Variants in BCL9L observed in about 807,000 individuals in gnomAD.
The protein encoded by BCL9L is BCL9 like.
A neutral mutation model predicts 99.4 loss-of-function variants in BCL9L; 19 were observed. The observed-to-expected ratio is 0.19, with a 90% CI of 0.13 to 0.28. The LOEUF is 0.28. Ranked by LOEUF, BCL9L falls within the 10% of genes least tolerant of loss-of-function variation. The pLI is 1.00. For missense variants in BCL9L, 2,023 were observed against 2,101.6 expected, an observed-to-expected ratio of 0.96 and a Z score of 0.73; for synonymous variants, 900 against 854.8, an observed-to-expected ratio of 1.05 and a Z score of -0.92.
rs1940003677 is a variant in BCL9L at position 118,898,220 on chromosome 11, C to T, written c.*195G>A. On this transcript the variant is annotated 3_prime_UTR_variant, in exon 10 of 10. Coordinates refer to ENST00000683865, the MANE Select transcript of BCL9L (RefSeq NM_001378213.1). ...AATGGAACCAACCCCAATGCAAAAT[C>T]CCCCACCCCACACTGCCACTTCCCC... 7.7e-6 allele frequency: 6 copies of T among 775,758 alleles called. No individual in the cohort carries two copies. Among genetic ancestry groups the T allele is most frequent in the African/African-American group, 1.8e-5 (1 of 56,864 alleles). 48.1% of individuals were successfully genotyped at this position (775,758 alleles called of 1,614,324 possible). A position where few individuals can be genotyped will look rare whatever the true frequency, so the allele number is the denominator to read the frequency against.
intron 2 of BCL9L, among the ~76,000 whole-genome samples, chr11:118,913,670 C>G (rs1332787821): frequency 6.6e-6 from 1 of 151,906 alleles, no homozygotes; most frequent in Non-Finnish European, 1.5e-5. Context: ...CAGGAAACCA[C>G]AGCCCACCCC....
chr11:118,921,571 G>A lies in BCL9L; in HGVS notation c.-130-2692C>T, dbSNP rs368364246. Among the ~76,000 whole-genome samples the A allele has an allele frequency of 2.0e-5, 3 of 152,222 alleles. No individual in the cohort carries two copies. Among genetic ancestry groups the A allele is most frequent in the South Asian group, 2.1e-4 (1 of 4,816 alleles). ...AGTCCATTGGAGGAGGAACGGGAACGGACAGAGGGAGTCCCAGCTCTGGTG... is the reference window on the plus strand; with the variant it reads ...AGTCCATTGGAGGAGGAACGGGAACAGACAGAGGGAGTCCCAGCTCTGGTG... On this transcript the variant is annotated intron_variant, in intron 1 of 9. Transcript: ENST00000683865. This position sits in a 1 kb window ranked among gnomAD's most constrained non-coding sequence, Gnocchi z 5.4.
rs1267680586 is a variant in BCL9L at position 118,901,743 on chromosome 11, T to G, written c.2000A>C (p.Glu667Ala). 4.3e-6 allele frequency: 7 copies of G among 1,612,938 alleles called. No individual in the cohort carries two copies. Among genetic ancestry groups the G allele is most frequent in the Non-Finnish European group, 5.9e-6 (7 of 1,179,404 alleles). ...MPYPGGQGEA[E>A]RFMTPRVREE... Reference sequence around the variant, plus strand: ...ACGGACCCGGGGAGTCATGAATCGCTCCGCCTCACCCTGCCCACCTGGGTA... The same window carrying G: ...ACGGACCCGGGGAGTCATGAATCGCGCCGCCTCACCCTGCCCACCTGGGTA... Residue 667 changes from glutamate to alanine, a missense_variant, in exon 8 of 10, where the codon GAG becomes GCG. Around this residue, in one of 3 missense-constraint regions of BCL9L, gnomAD observed 1,116 missense variants for 1,194.6 expected, o/e 0.93. Transcript: ENST00000683865. This position sits in a 1 kb window ranked among gnomAD's most constrained non-coding sequence, Gnocchi z 6.6.
chr11:118,910,299 G>A (rs902344170), intron 2 of BCL9L: 11 of 265,352 alleles, frequency 4.1e-5, no homozygotes, highest in Non-Finnish European at 8.4e-5. Flanking sequence ...AAGGTGCCGT[G>A]TGGGGCGGCT....
chr11:118,925,752 C>G lies in BCL9L; in HGVS notation c.-645G>C, dbSNP rs371519225. The G allele has an allele frequency of 6.6e-6, 1 of 150,402 alleles. No homozygotes were observed. The highest frequency in any genetic ancestry group is 2.0e-4 in the East Asian group (1 of 5,090). The allele number at this position is 150,402 out of a possible 1,614,324, so 9.3% of individuals were successfully genotyped here. A position where few individuals can be genotyped will look rare whatever the true frequency, so the allele number is the denominator to read the frequency against. The stretch of plus-strand genomic sequence containing the variant: ...CCCCGGGCGGCGCGGCGCCGGGGGA[C>G]CCAGGCGTGCGGGCGTCCGGCCGGC... On this transcript the variant is annotated 5_prime_UTR_variant, in exon 1 of 10. Transcript: ENST00000683865. This position sits in a 1 kb window ranked among gnomAD's most constrained non-coding sequence, Gnocchi z 6.4.
intron 2 of BCL9L, among the ~76,000 whole-genome samples, chr11:118,912,873 C>T (rs138316004): frequency 6.6e-6 from 1 of 152,276 alleles, no homozygotes; most frequent in African/African-American, 2.4e-5. Flanking sequence ...ACAGGGCGAA[C>T]GAGATCCTTG....
Position 118,903,306 on chromosome 11 carries a change from C to T in BCL9L, c.679G>A (p.Gly227Arg), listed in dbSNP as rs762523498. The change falls in exon 6 of 10, where the codon GGG (glycine) becomes AGG (arginine). Residue 227 changes from glycine (G) to arginine (R), a missense_variant. Transcript: ENST00000683865. The surrounding 1 kb of genome is among the most constrained non-coding windows in gnomAD (Gnocchi z 5.6). ...GGCTTTCCGGGGACGCCCCCGCCCC[C>T]GCCCCCGCCCCCAGGGGCATCAGGC... ...LRPDAPGGGG[G>R]GGGVPGKPPS... 4.0e-5 allele frequency: 63 copies of T among 1,575,428 alleles called. No individual in the cohort carries two copies. Among genetic ancestry groups the T allele is most frequent in the South Asian group, 2.1e-4 (18 of 86,746 alleles).
At position 118,907,568 on chromosome 11, in the gene BCL9L, C is replaced by T; in HGVS notation, c.447G>A (p.Leu149=). The change falls in exon 5 of 10, where the codon CTG becomes CTA. Residue 149 remains leucine, a synonymous_variant. Transcript: ENST00000683865. ...CCCCACTGTACGGCTGCTTCCGCTCCAGCACACAGCGCCGCTTACTCCGCG... is the reference window on the plus strand; with the variant it reads ...CCCCACTGTACGGCTGCTTCCGCTCTAGCACACAGCGCCGCTTACTCCGCG... The part of the protein sequence containing the change: ...VAPRSKRRCV[L]ERKQPYSGDE... 1 of 1,613,982 alleles carries T rather than the reference C, an allele frequency of 6.2e-7. No homozygotes were observed. Among genetic ancestry groups the T allele is most frequent in the Non-Finnish European group, 8.5e-7 (1 of 1,180,032 alleles).
rs772911139 is a variant in BCL9L at position 118,900,741 on chromosome 11, G to A, written c.3002C>T (p.Ala1001Val). Residue 1001 changes from alanine to valine, a missense_variant, in exon 8 of 10, where the codon GCG becomes GTG. Ala to Val is a moderately conservative substitution (Grantham distance 64). Coordinates refer to ENST00000683865, the MANE Select transcript of BCL9L (RefSeq NM_001378213.1). The surrounding 1 kb of genome is among the most constrained non-coding windows in gnomAD (Gnocchi z 5.3). ...SPSRLKSPSM[A>V]VPSPGWVASP... ...GGCAACCCAGCCTGGAGAAGGCACC[G>A]CCATGGAAGGAGACTTGAGCCTGCT... 3.8e-5 allele frequency: 61 copies of A among 1,613,700 alleles called. No homozygotes were observed. Among genetic ancestry groups the A allele is most frequent in the Middle Eastern group, 1.6e-4 (1 of 6,072 alleles).
At position 118,898,556 on chromosome 11, in the gene BCL9L, G is replaced by C. The variant is rs745625925; in HGVS notation, c.4359C>G (p.Leu1453=). 28 of 1,606,972 alleles carry C rather than the reference G, an allele frequency of 1.7e-5. No individual in the cohort carries two copies. In the African/African-American group the frequency reaches 3.2e-4, roughly 18 times the overall value. ...GGCCCATGAGGGAGCCCTGCGGGGA[G>C]AGCATGTGGGGCGGCTGGCTGTAGA... ...GEVYSQPPHM[L]SPQGSLMGPP... is the part of the protein sequence containing the mutation. Residue 1453 remains leucine (L), a synonymous_variant, in exon 10 of 10, where the codon CTC becomes CTG. Transcript: ENST00000683865.
At chr11:118,899,633 C>T (rs1565613111) in intron 9 of BCL9L, 125 bp from the exon 10 acceptor site, 6 of 1,295,430 alleles carry the variant, frequency 4.6e-6, no homozygotes, top group Non-Finnish European at 6.4e-6. Context: ...CACTGGCTTC[C>T]CCTGGCTGGG....
rs2137672796 is a variant in BCL9L, at chr11:118,898,297, C to CCCAA, written c.*117_*118insTTGG. On this transcript the variant is annotated 3_prime_UTR_variant, in exon 10 of 10. Coordinates refer to ENST00000683865, the MANE Select transcript of BCL9L (RefSeq NM_001378213.1). ...ACAAATGCCACTCCCTACACAAGCC[C>CCCAA]CCTCCCACCCCCTCCACCCCACCCC... 9.6e-6 allele frequency: 4 copies of CCCAA among 415,796 alleles called. No homozygotes were observed. The highest frequency in any genetic ancestry group is 1.8e-5 in the Non-Finnish European group (4 of 220,614). 25.8% of individuals were successfully genotyped at this position (415,796 alleles called of 1,614,324 possible).
Position 118,901,356 on chromosome 11 carries a change from A to G in BCL9L, c.2387T>C (p.Met796Thr). The G allele has an allele frequency of 1.2e-6, 2 of 1,613,766 alleles. No homozygotes were observed. The highest frequency in any genetic ancestry group is 1.7e-6 in the Non-Finnish European group (2 of 1,179,960). Reference sequence around the variant, plus strand: ...CCCAGGGCCCCGCATCTTCTGCGACATCAGCATCTGCTGCTGCGGGGTCAT... The same window carrying G: ...CCCAGGGCCCCGCATCTTCTGCGACGTCAGCATCTGCTGCTGCGGGGTCAT... ...VQMTPQQQML[M>T]SQKMRGPGDL... The change falls in exon 8 of 10, where the codon ATG (methionine) becomes ACG (threonine). Residue 796 changes from methionine to threonine, a missense_variant. By Grantham distance (81) the Met-to-Thr change is moderately conservative. Coordinates refer to ENST00000683865, the MANE Select transcript of BCL9L (RefSeq NM_001378213.1). This position sits in a 1 kb window ranked among gnomAD's most constrained non-coding sequence, Gnocchi z 6.6.
Position 118,899,420 on chromosome 11 carries a change from G to A in BCL9L, c.3495C>T (p.Pro1165=), listed in dbSNP as rs1466538264. The A allele has an allele frequency of 9.4e-6, 15 of 1,595,684 alleles. No individual in the cohort carries two copies. Among genetic ancestry groups the A allele is most frequent in the South Asian group, 1.1e-5 (1 of 87,890 alleles). The part of the protein sequence containing the change: ...PMGMNLPGQQ[P]LSHEPPPAML... ...TGGCGGGCGGGGGCTCATGGGACAGGGGCTGCTGGCCTGGCAGGTTCATGC... is the reference window on the plus strand; with the variant it reads ...TGGCGGGCGGGGGCTCATGGGACAGAGGCTGCTGGCCTGGCAGGTTCATGC... Residue 1165 remains proline, a synonymous_variant, in exon 10 of 10, where the codon CCC becomes CCT. Transcript: ENST00000683865.
rs1034615246 is a variant in BCL9L at position 118,897,835 on chromosome 11, T to C, written c.*580A>G. The C allele has an allele frequency of 2.2e-6, 1 of 456,386 alleles. No individual in the cohort carries two copies. The highest frequency in any genetic ancestry group is 4.4e-6 in the Non-Finnish European group (1 of 227,112). The allele number at this position is 456,386 out of a possible 1,614,324, so 28.3% of individuals were successfully genotyped here. ...ACCAGCACAAAAGCGCAGCGCTCTA[T>C]TTACAGCTCCGGCTGGCACCTGCCC... On this transcript the variant is annotated 3_prime_UTR_variant, in exon 10 of 10. Coordinates refer to ENST00000683865, the MANE Select transcript of BCL9L (RefSeq NM_001378213.1).
At chr11:118,911,111 G>A in intron 2 of BCL9L, 1 of 393,136 alleles carries the variant, frequency 2.5e-6, no homozygotes, top group South Asian at 1.8e-5. Flanking sequence ...ACACGCACAG[G>A]GCCATAGATA....
intron 5 of BCL9L, among the ~76,000 whole-genome samples, chr11:118,905,923 T>C (rs963647894): frequency 2.0e-5 from 3 of 151,974 alleles, no homozygotes; most frequent in African/African-American, 7.2e-5. Context: ...TATTTCCCTA[T>C]GTTTGCCAGG....
chr11:118,901,509 C>A lies in BCL9L; in HGVS notation c.2234G>T (p.Gly745Val). 6.2e-7 allele frequency: 1 copy of A among 1,614,114 alleles called. No homozygotes were observed. Among genetic ancestry groups the A allele is most frequent in the Non-Finnish European group, 8.5e-7 (1 of 1,180,030 alleles). Reference sequence around the variant, plus strand: ...CATGGGAGGGCTCAGGAGGCCCCGGCCTCCACCAAACTCCATGCCCATGGG... The same window carrying A: ...CATGGGAGGGCTCAGGAGGCCCCGGACTCCACCAAACTCCATGCCCATGGG... ...GTPMGMEFGGGRGLLSPPMGQ... is the reference protein window; with the variant it reads ...GTPMGMEFGGVRGLLSPPMGQ... Residue 745 changes from glycine to valine, a missense_variant, in exon 8 of 10, where the codon GGC (glycine) becomes GTC (valine). Transcript: ENST00000683865. This position sits in a 1 kb window ranked among gnomAD's most constrained non-coding sequence, Gnocchi z 6.6.
rs775991276 is a variant in BCL9L, at chr11:118,900,837, G to A, written c.2906C>T (p.Pro969Leu). The part of the protein sequence containing the change: ...SQMVPLPSAN[P>L]PGPLKSPQVL... ...CTGGGGCGACTTGAGAGGTCCTGGC[G>A]GGTTGGCAGAAGGCAAGGGCACCAT... The change falls in exon 8 of 10, where the codon CCG becomes CTG. Residue 969 changes from proline to leucine, a missense_variant. Physicochemically the swap from Pro to Leu is moderately conservative, Grantham distance 98 (BLOSUM62 -3). Around this residue, in one of 3 missense-constraint regions of BCL9L, gnomAD observed 902 missense variants for 888.2 expected, o/e 1.02. Transcript: ENST00000683865. The surrounding 1 kb of genome is among the most constrained non-coding windows in gnomAD (Gnocchi z 5.3). 2.0e-5 allele frequency: 33 copies of A among 1,613,110 alleles called. No homozygotes were observed. The highest frequency in any genetic ancestry group is 4.0e-5 in the African/African-American group (3 of 74,896).
Sources: allele counts gnomAD v4.1 joint callset (sites outside exome capture counted in the v4.1 genomes callset), GRCh38; gene constraint gnomAD v4.1.1; regional missense constraint gnomAD v4.1.1; non-coding constraint Gnocchi (gnomAD v3.1); transcripts MANE v1.5; gene names NCBI Gene and HGNC (gene_info 2026-07-23, HGNC 2026-07-21).